The following SLCO3A1 variants were observed in gnomAD, a reference collection of about 807,000 sequenced individuals.
SLCO3A1 encodes solute carrier organic anion transporter family member 3A1.
SLCO3A1 carries 27 observed loss-of-function variants against 63.1 expected under a neutral mutation model. The ratio of observed to expected loss-of-function variants is 0.43; its 90% CI spans 0.32 to 0.59. The LOEUF (loss-of-function observed/expected upper bound fraction) is 0.59. Among genes scored for constraint, SLCO3A1 ranks in the 20% least tolerant of loss-of-function variants. SLCO3A1 has a pLI of 0.09. For synonymous variants in SLCO3A1, 473 were observed against 409.9 expected (o/e 1.15, Z -1.86); for missense variants, 773 against 945.8 (o/e 0.82, Z 2.40).
chr15:92,094,751 T>C, intron 2 of SLCO3A1, 130 bp from the exon 3 acceptor site: 1 of 620,972 alleles, frequency 1.6e-6, no homozygotes. Context: ...CTTTCCCCTC[T>C]AGGATTTTTA....
At chr15:92,028,598 A>G (rs2046605445) in intron 2 of SLCO3A1, among the ~76,000 whole-genome samples, 1 of 152,200 alleles carries the variant, frequency 6.6e-6, no homozygotes, top group Non-Finnish European at 1.5e-5. Flanking sequence ...GAGCCCAGCC[A>G]ATCCAATCAG....
chr15:92,041,472 T>C (rs752093160), intron 2 of SLCO3A1, among the ~76,000 whole-genome samples: 2 of 152,180 alleles, frequency 1.3e-5, no homozygotes, highest in African/African-American at 4.8e-5. Context: ...GACTAAGTTA[T>C]GCAGTTTTTT....
intron 2 of SLCO3A1, among the ~76,000 whole-genome samples, chr15:91,958,629 A>G (rs1368754103): frequency 6.6e-6 from 1 of 152,230 alleles, no homozygotes; most frequent in Non-Finnish European, 1.5e-5. Context: ...AGGCAAACAG[A>G]GGAAAGCCTT....
At chr15:92,167,066 G>A (rs1287561411), downstream of SLCO3A1, among the ~76,000 whole-genome samples, 3 of 152,214 alleles carry the variant, frequency 2.0e-5, no homozygotes, top group East Asian at 1.9e-4. Flanking sequence ...ACGGAGTTAC[G>A]CTATATTTTA....
intron 2 of SLCO3A1, among the ~76,000 whole-genome samples, chr15:91,951,269 CTG>C (rs150987158): frequency 0.019 from 2,969 of 152,280 alleles, 111 homozygotes; most frequent in African/African-American, 0.068. Flanking sequence ...CACTTCCTGT[CTG>C]TGGATTTGCC....
At chr15:92,107,969 C>CTATAGATGAGAAA (rs776448142) in intron 4 of SLCO3A1, among the ~76,000 whole-genome samples, 44 of 152,194 alleles carry the variant, frequency 2.9e-4, no homozygotes, top group Non-Finnish European at 5.3e-4. Flanking sequence ...TTATTCCTGT[C>CTATAGATGAGAAA]TATAGATGAG....
At position 91,987,243 on chromosome 15, in the gene SLCO3A1, A is replaced by C. The variant is rs753506951; in HGVS notation, c.646+70785A>C. ...TAGGTGCCACATGAAGGGGGAGCATACATCTGCCTTTTTTTCCCCCATATT... is the reference window on the plus strand; with the variant it reads ...TAGGTGCCACATGAAGGGGGAGCATCCATCTGCCTTTTTTTCCCCCATATT... On this transcript the variant is annotated intron_variant, in intron 2 of 9. Transcript: ENST00000318445. 2.6e-5 allele frequency among the ~76,000 whole-genome samples: 4 copies of C among 152,180 alleles called. No individual in the cohort carries two copies. The East Asian group carries it at 7.7e-4, about 29-fold the overall frequency.
chr15:92,004,321 G>C (rs1300689622), intron 2 of SLCO3A1, among the ~76,000 whole-genome samples: 2 of 152,238 alleles, frequency 1.3e-5, no homozygotes, highest in African/African-American at 4.8e-5. Flanking sequence ...TGAAGACCAT[G>C]ACGATGGTGT....
chr15:92,092,017 G>A (rs1245632333), intron 2 of SLCO3A1, among the ~76,000 whole-genome samples: 1 of 152,170 alleles, frequency 6.6e-6, no homozygotes, highest in Non-Finnish European at 1.5e-5. Context: ...CCCAGTCACT[G>A]GCCCATCTGG....
chr15:92,101,507 C>A (rs118103263), intron 3 of SLCO3A1, among the ~76,000 whole-genome samples: 4,509 of 150,272 alleles, frequency 0.03, 84 homozygotes, highest in Non-Finnish European at 0.045. Context: ...AGATCCACCT[C>A]AAAAGAAAAA....
chr15:91,918,033 T>C (rs1383983871), intron 2 of SLCO3A1, among the ~76,000 whole-genome samples: 1 of 152,222 alleles, frequency 6.6e-6, no homozygotes, highest in Non-Finnish European at 1.5e-5. Flanking sequence ...CCTGAAGTCC[T>C]AACAGTGCTG....
intron 2 of SLCO3A1, among the ~76,000 whole-genome samples, chr15:92,045,106 C>G (rs1265069524): frequency 6.6e-6 from 1 of 152,056 alleles, no homozygotes; most frequent in East Asian, 1.9e-4. Context: ...TGGTGAAACA[C>G]CGTCTCTACT....
At chr15:92,090,658 G>C (rs568782088) in intron 2 of SLCO3A1, among the ~76,000 whole-genome samples, 3 of 152,238 alleles carry the variant, frequency 2.0e-5, no homozygotes, top group African/African-American at 7.2e-5. Context: ...GGCCTGGCCT[G>C]CTCCCAGCTC....
At chr15:92,171,702 A>C in intron 10 of SLCO3A1, 1 of 1,008,550 alleles carries the variant, frequency 9.9e-7, no homozygotes, top group Non-Finnish European at 1.5e-6. Context: ...CTATTAAATA[A>C]GCCTAACAAA....
chr15:91,921,855 G>A lies in SLCO3A1; in HGVS notation c.646+5397G>A, dbSNP rs1470961201. 2.0e-5 allele frequency among the ~76,000 whole-genome samples: 3 copies of A among 151,622 alleles called. No individual in the cohort carries two copies. The East Asian group carries it at 5.8e-4, about 29-fold the overall frequency. On this transcript the variant is annotated intron_variant, in intron 2 of 9. Coordinates refer to ENST00000318445, the MANE Select transcript of SLCO3A1 (RefSeq NM_013272.4). ...AGTGATTCTCGTGCCTCATCCTCCC[G>A]AGTAGCTGAGATTATAGGTGCCTGC...
chr15:92,092,664 G>T (rs1400817627), intron 2 of SLCO3A1, among the ~76,000 whole-genome samples: 1 of 152,068 alleles, frequency 6.6e-6, no homozygotes, highest in Non-Finnish European at 1.5e-5. Flanking sequence ...TCTACTTCCT[G>T]CTGCTTTCTC....
At chr15:92,136,462 A>G (rs942390204) in intron 7 of SLCO3A1, among the ~76,000 whole-genome samples, 4 of 152,318 alleles carry the variant, frequency 2.6e-5, no homozygotes, top group African/African-American at 9.6e-5. Context: ...TCAATAGAAA[A>G]CAAATGCAAG....
At chr15:91,926,632 T>A (rs1899042445) in intron 2 of SLCO3A1, among the ~76,000 whole-genome samples, 2 of 133,794 alleles carry the variant, frequency 1.5e-5, no homozygotes, top group African/African-American at 3.1e-5. Context: ...TTAAACCACA[T>A]AATAGACAAA....
chr15:92,150,216 G>T (rs1002011767), intron 8 of SLCO3A1, among the ~76,000 whole-genome samples: 2 of 152,126 alleles, frequency 1.3e-5, no homozygotes, highest in African/African-American at 4.8e-5. Context: ...AGGCCCATCT[G>T]GTCTTTTCAT....
Sources: allele counts gnomAD v4.1 joint callset (sites outside exome capture counted in the v4.1 genomes callset), GRCh38; gene constraint gnomAD v4.1.1; transcripts MANE v1.5; gene names NCBI Gene and HGNC (gene_info 2026-07-23, HGNC 2026-07-21).